SHISA9: variants seen among roughly 807,000 people sequenced by gnomAD.
SHISA9 encodes the protein protein shisa-9.
SHISA9 carries 13 observed loss-of-function variants against 38.0 expected under a neutral mutation model. That is an observed-to-expected ratio of 0.34 (90% CI 0.22 to 0.54). The LOEUF (loss-of-function observed/expected upper bound fraction) is 0.54, where lower values mean the gene tolerates loss of function less well. SHISA9 is among the 20% of genes least tolerant of loss of function. SHISA9 has a pLI of 0.91. For missense variants in SHISA9, 538 were observed against 575.8 expected (o/e 0.93, Z 0.67); for synonymous variants, 275 against 242.0 (o/e 1.14, Z -1.27).
At chr16:13,255,270 CTCTT>C in the SHISA9 span, among the ~76,000 whole-genome samples, 1 of 152,084 alleles carries the variant, frequency 6.6e-6, no homozygotes, top group Non-Finnish European at 1.5e-5. Flanking sequence ...CTCTCTCATT[CTCTT>C]TCTGTCTAGG....
At chr16:13,357,945 G>A in the SHISA9 span, among the ~76,000 whole-genome samples, 1 of 152,108 alleles carries the variant, frequency 6.6e-6, no homozygotes, top group Non-Finnish European at 1.5e-5. Context: ...GTTAAGGTGG[G>A]GCAGGGCATA....
the SHISA9 span, among the ~76,000 whole-genome samples, chr16:13,413,689 G>A: frequency 6.7e-6 from 1 of 148,382 alleles, no homozygotes; most frequent in African/African-American, 2.5e-5. Context: ...CCTGGAAGGC[G>A]AAGGTTTGCG....
the SHISA9 span, among the ~76,000 whole-genome samples, chr16:13,380,421 A>T: frequency 6.6e-6 from 1 of 152,198 alleles, no homozygotes; most frequent in African/African-American, 2.4e-5. Context: ...AATCAGTATG[A>T]CATTGGATTT....
intron 2 of SHISA9, among the ~76,000 whole-genome samples, chr16:13,094,731 G>A (rs939679541): frequency 6.6e-6 from 1 of 152,108 alleles, no homozygotes; most frequent in Non-Finnish European, 1.5e-5. Context: ...TGGGTAAAAT[G>A]AGGAAGAAAG....
At chr16:13,283,830 C>T in the SHISA9 span, among the ~76,000 whole-genome samples, 1 of 152,080 alleles carries the variant, frequency 6.6e-6, no homozygotes, top group Non-Finnish European at 1.5e-5. Flanking sequence ...AGGACCAGAA[C>T]CCCAACATCT....
At chr16:13,509,282 A>AT in the SHISA9 span, among the ~76,000 whole-genome samples, 1 of 151,276 alleles carries the variant, frequency 6.6e-6, no homozygotes, top group African/African-American at 2.4e-5. Flanking sequence ...CAAAAAAAAA[A>AT]GAAAAAATTA....
chr16:13,439,900 A>G, the SHISA9 span, among the ~76,000 whole-genome samples: 3 of 152,154 alleles, frequency 2.0e-5, no homozygotes, highest in South Asian at 2.1e-4. Context: ...CTGACCTCCA[A>G]ACTTTCCATT....
the SHISA9 span, among the ~76,000 whole-genome samples, chr16:13,537,856 A>C: frequency 6.6e-6 from 1 of 152,194 alleles, no homozygotes; most frequent in African/African-American, 2.4e-5. Flanking sequence ...AAGTAACATA[A>C]AAATTATGCA....
At chr16:12,914,932 G>A (rs2071234819) in intron 1 of SHISA9, among the ~76,000 whole-genome samples, 1 of 152,218 alleles carries the variant, frequency 6.6e-6, no homozygotes, top group Non-Finnish European at 1.5e-5. Flanking sequence ...ACTGTTGTTT[G>A]AGAATCGCTG....
chr16:12,918,350 T>G (rs2071284812), intron 2 of SHISA9, among the ~76,000 whole-genome samples: 1 of 152,156 alleles, frequency 6.6e-6, no homozygotes, highest in Non-Finnish European at 1.5e-5. Context: ...CAAATGAACA[T>G]GATCACAGAG....
chr16:13,434,581 C>T, the SHISA9 span, among the ~76,000 whole-genome samples: 1 of 151,884 alleles, frequency 6.6e-6, no homozygotes, highest in Non-Finnish European at 1.5e-5. Flanking sequence ...CCAAGCCCAG[C>T]TAATTTTTTT....
At chr16:13,311,106 A>G in the SHISA9 span, among the ~76,000 whole-genome samples, 2 of 152,144 alleles carry the variant, frequency 1.3e-5, no homozygotes, top group Admixed American at 1.3e-4. Flanking sequence ...TGCAGGGCCT[A>G]GAAGATACTC....
intron 2 of SHISA9, among the ~76,000 whole-genome samples, chr16:13,029,442 C>T (rs2072964783): frequency 6.6e-6 from 1 of 152,044 alleles, no homozygotes; most frequent in South Asian, 2.1e-4. Context: ...CTCGTCTCTA[C>T]AAAAAAATAC....
chr16:13,478,371 C>G, the SHISA9 span, among the ~76,000 whole-genome samples: 1 of 152,126 alleles, frequency 6.6e-6, no homozygotes, highest in Non-Finnish European at 1.5e-5. Flanking sequence ...GTGCTGTGTT[C>G]ACAAAGCAAA....
At chr16:12,910,674 C>T in intron 1 of SHISA9, 2 of 985,350 alleles carry the variant, frequency 2.0e-6, no homozygotes, top group Non-Finnish European at 2.4e-6. Flanking sequence ...ACATAATTCT[C>T]CTGAACTGGG....
intron 2 of SHISA9, among the ~76,000 whole-genome samples, chr16:13,081,116 C>G (rs997713052): frequency 5.9e-5 from 9 of 152,204 alleles, no homozygotes; most frequent in African/African-American, 1.9e-4. Flanking sequence ...AATCATAGCC[C>G]TAAATGATGG....
chr16:13,521,744 A>G, the SHISA9 span, among the ~76,000 whole-genome samples: 1 of 152,180 alleles, frequency 6.6e-6, no homozygotes, highest in Admixed American at 6.5e-5. Context: ...TTTGCCATGT[A>G]ACTGTTTCAC....
intron 2 of SHISA9, among the ~76,000 whole-genome samples, chr16:12,956,950 G>GTA (rs1035666057): frequency 3.9e-5 from 6 of 152,060 alleles, no homozygotes; most frequent in Admixed American, 1.3e-4. Flanking sequence ...TAACAATAAT[G>GTA]TATATATATT....
At chr16:13,483,615 C>A in the SHISA9 span, among the ~76,000 whole-genome samples, 1 of 152,006 alleles carries the variant, frequency 6.6e-6, no homozygotes, top group African/African-American at 2.4e-5. Flanking sequence ...CTTTCCCCAG[C>A]CCTCCTCTCC....
Sources: gnomAD v4.1 joint callset for allele counts (sites outside exome capture counted in the v4.1 genomes callset) on GRCh38, gnomAD v4.1.1 for gene constraint, MANE v1.5 for transcripts, NCBI Gene and HGNC (gene_info 2026-07-23, HGNC 2026-07-21) for gene names.